Variants in ZCWPW2 observed in about 807,000 individuals in gnomAD.
ZCWPW2 encodes zinc finger CW-type and PWWP domain containing 2, also known as zinc finger CW-type PWWP domain protein 2.
ZCWPW2 carries 45 observed loss-of-function variants against 46.6 expected under a neutral mutation model. The observed-to-expected ratio is 0.96, with a 90% CI of 0.76 to 1.24. The LOEUF is 1.24. Among genes scored for constraint, ZCWPW2 ranks in the 50% most tolerant of loss-of-function variants. The probability of loss-of-function intolerance (pLI) is 0.00; values close to 1 mark genes in which losing one functional copy is unlikely to be tolerated. For missense variants in ZCWPW2, 429 were observed against 403.9 expected, an observed-to-expected ratio of 1.06 and a Z score of -0.53; for synonymous variants, 152 against 137.1, an observed-to-expected ratio of 1.11 and a Z score of -0.76.
chr3:28,460,809 A>G, intron 4 of ZCWPW2, among the ~76,000 whole-genome samples: 1 of 152,208 alleles, frequency 6.6e-6, no homozygotes, highest in Non-Finnish European at 1.5e-5. Context: ...GCGTCAGTGC[A>G]ATACATGGTT....
intron 1 of ZCWPW2, among the ~76,000 whole-genome samples, chr3:28,353,807 T>C (rs567844333): frequency 1.3e-5 from 2 of 152,106 alleles, no homozygotes; most frequent in Admixed American, 6.5e-5. Context: ...TGAACAATCA[T>C]AGGGAGAAGA....
At chr3:28,384,280 C>A (rs1018317716) in intron 1 of ZCWPW2, among the ~76,000 whole-genome samples, 1 of 152,130 alleles carries the variant, frequency 6.6e-6, no homozygotes, top group South Asian at 2.1e-4. Context: ...TTAGAAATCA[C>A]AAATCTGTTT....
chr3:28,470,366 G>A (rs539126486), intron 4 of ZCWPW2, among the ~76,000 whole-genome samples: 36 of 151,828 alleles, frequency 2.4e-4, no homozygotes, highest in Non-Finnish European at 4.9e-4. Context: ...GTGTGGTGGC[G>A]CATGCCGGTA....
At chr3:28,497,597 G>A (rs1575210291) in intron 6 of ZCWPW2, among the ~76,000 whole-genome samples, 4 of 152,062 alleles carry the variant, frequency 2.6e-5, no homozygotes, top group African/African-American at 9.7e-5. Context: ...GTGTTTCCCT[G>A]CTTCCCTTGA....
rs1486847741 is a variant in ZCWPW2 at position 28,443,970 on chromosome 3, G to T, written c.492+8701G>T. Among the ~76,000 whole-genome samples the T allele has an allele frequency of 3.3e-5, 5 of 152,074 alleles. 1 individual carries two copies. Among genetic ancestry groups the T allele is most frequent in the Admixed American group, 2.0e-4 (3 of 15,264 alleles). On this transcript the variant is annotated intron_variant, in intron 4 of 9. Coordinates refer to ENST00000383768, the MANE Select transcript of ZCWPW2 (RefSeq NM_001040432.4). ...AACCAAGGGAGATTAGGCACTTCCA[G>T]CTCACTCACAATGAACCATCTTTTA...
intron 1 of ZCWPW2, among the ~76,000 whole-genome samples, chr3:28,376,084 A>G (rs751715218): frequency 3.9e-5 from 6 of 152,044 alleles, no homozygotes; most frequent in Non-Finnish European, 8.8e-5. Flanking sequence ...AACTATTGTA[A>G]TCAGTGCTAC....
At chr3:28,488,297 T>C (rs1026034224) in intron 5 of ZCWPW2, among the ~76,000 whole-genome samples, 1 of 152,200 alleles carries the variant, frequency 6.6e-6, no homozygotes, top group African/African-American at 2.4e-5. Flanking sequence ...TTCTCCAAAT[T>C]TGGGGACATC....
At chr3:28,356,191 G>T (rs1704724080) in intron 1 of ZCWPW2, among the ~76,000 whole-genome samples, 1 of 152,206 alleles carries the variant, frequency 6.6e-6, no homozygotes, top group Non-Finnish European at 1.5e-5. Flanking sequence ...AGTGGGCAAA[G>T]GATATGAACA....
chr3:28,380,948 A>ATTTGG (rs1373404434), intron 1 of ZCWPW2, among the ~76,000 whole-genome samples: 1 of 41,448 alleles, frequency 2.4e-5, no homozygotes, highest in African/African-American at 1.2e-4. Context: ...ATATATATAT[A>ATTTGG]TATATATATA....
chr3:28,511,793 A>G (rs1441799203), intron 6 of ZCWPW2, among the ~76,000 whole-genome samples: 3 of 152,106 alleles, frequency 2.0e-5, no homozygotes, highest in South Asian at 4.1e-4. Context: ...TTCAGCACTT[A>G]ATTTACTTAT....
chr3:28,456,288 T>A (rs911406631), intron 4 of ZCWPW2, among the ~76,000 whole-genome samples: 2 of 152,174 alleles, frequency 1.3e-5, no homozygotes, highest in Non-Finnish European at 2.9e-5. Context: ...TTGGTTTGCC[T>A]GTTGTTGGTG....
intron 1 of ZCWPW2, among the ~76,000 whole-genome samples, chr3:28,357,612 A>G (rs1178690042): frequency 1.3e-5 from 2 of 151,674 alleles, no homozygotes; most frequent in African/African-American, 4.8e-5. Context: ...TCTGGGACGT[A>G]AGTTTTCTGC....
intron 4 of ZCWPW2, among the ~76,000 whole-genome samples, chr3:28,451,269 C>G (rs1265006589): frequency 6.6e-6 from 1 of 152,038 alleles, no homozygotes; most frequent in Non-Finnish European, 1.5e-5. Flanking sequence ...AACAGCCATC[C>G]CTTGAAGGTA....
chr3:28,486,064 C>T (rs1699590664), intron 5 of ZCWPW2, among the ~76,000 whole-genome samples: 1 of 151,794 alleles, frequency 6.6e-6, no homozygotes, highest in Admixed American at 6.6e-5. Context: ...CATTTTCTTC[C>T]CTCTTAGCAT....
At chr3:28,417,599 C>T (rs1250702594) in intron 3 of ZCWPW2, among the ~76,000 whole-genome samples, 46 of 148,294 alleles carry the variant, frequency 3.1e-4, no homozygotes, top group African/African-American at 9.5e-4. Context: ...TGATGAACAT[C>T]GATGCAGAAA....
chr3:28,390,656 A>G (rs2125717496), intron 2 of ZCWPW2, 39 bp downstream of exon 2: 1 of 985,266 alleles, frequency 1.0e-6, no homozygotes, highest in Admixed American at 6.1e-5. Flanking sequence ...TTTCTCTAGT[A>G]CATAAGCATT....
At chr3:28,440,667 T>G (rs1697713107) in intron 4 of ZCWPW2, among the ~76,000 whole-genome samples, 1 of 152,174 alleles carries the variant, frequency 6.6e-6, no homozygotes, top group Non-Finnish European at 1.5e-5. Context: ...CCAGTGAATT[T>G]TATAAGCATG....
chr3:28,522,008 G>T (rs1260264547), intron 9 of ZCWPW2, among the ~76,000 whole-genome samples: 2 of 152,096 alleles, frequency 1.3e-5, no homozygotes, highest in African/African-American at 2.4e-5. Context: ...TTGTTTTGAG[G>T]ATTAAATTTG....
intron 2 of ZCWPW2, among the ~76,000 whole-genome samples, chr3:28,402,307 C>CA: frequency 6.6e-6 from 1 of 152,154 alleles, no homozygotes. Flanking sequence ...CCTTTACACA[C>CA]ATAAACTAGA....
Sources: gnomAD v4.1 joint callset for allele counts (sites outside exome capture counted in the v4.1 genomes callset) on GRCh38, gnomAD v4.1.1 for gene constraint, MANE v1.5 for transcripts, NCBI Gene and HGNC (gene_info 2026-07-23, HGNC 2026-07-21) for gene names.